Variants in GLIS3 observed in about 807,000 individuals in gnomAD.
GLIS3 encodes the protein GLIS family zinc finger 3.
In GLIS3, 53 loss-of-function variants were observed where a neutral mutation model predicts 78.6. The observed-to-expected ratio is 0.67, with a 90% CI of 0.54 to 0.85. The LOEUF (loss-of-function observed/expected upper bound fraction) is 0.85. Ranked by LOEUF, GLIS3 falls within the 40% of genes least tolerant of loss-of-function variation. The pLI is 0.00. For missense variants in GLIS3, 1,703 were observed against 1,231.1 expected (o/e 1.38, Z -5.74); for synonymous variants, 684 against 509.9 (o/e 1.34, Z -4.60).
intron 4 of GLIS3, among the ~76,000 whole-genome samples, chr9:3,981,106 G>A (rs187171329): frequency 2.6e-5 from 4 of 152,222 alleles, no homozygotes; most frequent in African/African-American, 4.8e-5. Flanking sequence ...TCTCTCCTCC[G>A]CTACCTCTTG....
chr9:4,334,721 T>C (rs1213255904), intron 2 of GLIS3, among the ~76,000 whole-genome samples: 1 of 152,090 alleles, frequency 6.6e-6, no homozygotes, highest in Admixed American at 6.6e-5. Context: ...CCCTTATGAG[T>C]CACAGCATTC....
chr9:4,129,135 C>T (rs1039626729), intron 2 of GLIS3, among the ~76,000 whole-genome samples: 2 of 152,238 alleles, frequency 1.3e-5, no homozygotes, highest in African/African-American at 4.8e-5. Flanking sequence ...ATACAGCCAT[C>T]TAAGTGTTTT....
intron 8 of GLIS3, among the ~76,000 whole-genome samples, chr9:3,863,501 C>G (rs1820370334): frequency 1.3e-5 from 2 of 152,216 alleles, no homozygotes; most frequent in Non-Finnish European, 2.9e-5. Flanking sequence ...GTCCAAGAGC[C>G]TAATCTGTCC....
chr9:4,058,621 T>C (rs1248671874), intron 4 of GLIS3, among the ~76,000 whole-genome samples: 1 of 152,182 alleles, frequency 6.6e-6, no homozygotes, highest in East Asian at 1.9e-4. Flanking sequence ...ATTTCCTCTC[T>C]TGGCCAAGAG....
chr9:4,379,949 G>A, the GLIS3 span, among the ~76,000 whole-genome samples: 1 of 140,872 alleles, frequency 7.1e-6, no homozygotes, highest in African/African-American at 2.6e-5. Flanking sequence ...CTGTCTTAGA[G>A]GCAGACAGAG....
At chr9:4,203,643 A>G (rs1172145816) in intron 2 of GLIS3, among the ~76,000 whole-genome samples, 1 of 152,236 alleles carries the variant, frequency 6.6e-6, no homozygotes, top group East Asian at 1.9e-4. Context: ...AACCAAAAAG[A>G]TATATGCACT....
rs1045085761 is a variant in GLIS3 at position 4,299,687 on chromosome 9, G to C, written c.-365C>G. 1 of 152,566 alleles carries C rather than the reference G, an allele frequency of 6.6e-6. No homozygotes were observed. The highest frequency in any genetic ancestry group is 1.5e-5 in the Non-Finnish European group (1 of 68,160). The allele number at this position is 152,566 out of a possible 1,614,324, so 9.5% of individuals were successfully genotyped here. On this transcript the variant is annotated 5_prime_UTR_variant, in exon 1 of 11. Transcript: ENST00000381971. ...AGGGGGAGGAGGAGGCAGAGGCGGG[G>C]TGGCTGGACCCTCGGCATCAGCTCA...
chr9:4,419,729 G>A, the GLIS3 span, among the ~76,000 whole-genome samples: 423 of 152,160 alleles, frequency 2.8e-3, 1 homozygote, highest in African/African-American at 9.7e-3. Context: ...GCAGTGAGCC[G>A]AGATCACGCC....
At chr9:4,346,415 C>G (rs1043424308) in intron 2 of GLIS3, among the ~76,000 whole-genome samples, 1 of 152,096 alleles carries the variant, frequency 6.6e-6, no homozygotes, top group Non-Finnish European at 1.5e-5. Flanking sequence ...AGCATTAAAA[C>G]TCATTGATTA....
chr9:3,992,814 T>A (rs1820431145), intron 4 of GLIS3, among the ~76,000 whole-genome samples: 1 of 152,184 alleles, frequency 6.6e-6, no homozygotes, highest in African/African-American at 2.4e-5. Context: ...CATCTAATAA[T>A]CTCTACCATG....
intron 4 of GLIS3, among the ~76,000 whole-genome samples, chr9:3,940,690 G>A (rs1815821990): frequency 6.6e-6 from 1 of 152,154 alleles, no homozygotes; most frequent in Non-Finnish European, 1.5e-5. Context: ...ACAGAAGGTG[G>A]CTGAATAGAA....
chr9:4,158,376 T>G (rs1401047791), intron 2 of GLIS3, among the ~76,000 whole-genome samples: 1 of 152,180 alleles, frequency 6.6e-6, no homozygotes, highest in Non-Finnish European at 1.5e-5. Flanking sequence ...CTGTCCCCTC[T>G]GTCACGGAAT....
chr9:4,014,451 T>C (rs1822279539), intron 4 of GLIS3, among the ~76,000 whole-genome samples: 1 of 151,916 alleles, frequency 6.6e-6, no homozygotes, highest in South Asian at 2.1e-4. Flanking sequence ...TAATGCAAAA[T>C]GAATGGTGTT....
chr9:4,465,751 A>G, the GLIS3 span, among the ~76,000 whole-genome samples: 1 of 152,126 alleles, frequency 6.6e-6, no homozygotes, highest in Non-Finnish European at 1.5e-5. Context: ...TTTTAAATTC[A>G]AAAAAATTTT....
chr9:4,179,120 T>A (rs1225102436), intron 2 of GLIS3, among the ~76,000 whole-genome samples: 2 of 152,230 alleles, frequency 1.3e-5, no homozygotes, highest in East Asian at 3.8e-4. Flanking sequence ...CGCCTCGGTA[T>A]CTTCCTGCTT....
chr9:3,896,751 G>A (rs867961912), intron 7 of GLIS3, among the ~76,000 whole-genome samples: 2 of 150,032 alleles, frequency 1.3e-5, no homozygotes, highest in Non-Finnish European at 3.0e-5. Context: ...ACAAAGTTGA[G>A]CAACATGATC....
rs921492144 is a variant in GLIS3, at chr9:4,286,375, T to A, written c.51A>T (p.Pro17=). The change falls in exon 2 of 11, where the codon CCA becomes CCT. Residue 17 remains proline, a synonymous_variant. Transcript: ENST00000381971. ...SMSLHRTSGT[P]QGPRMVSGHH... is the part of the protein sequence containing the mutation. ...GACCACTGACCATCCTAGGCCCCTG[T>A]GGGGTTCCCGATGTCCGGTGGAGAC... 2 of 1,614,086 alleles carry A rather than the reference T, an allele frequency of 1.2e-6. No individual in the cohort carries two copies. The highest frequency in any genetic ancestry group is 1.7e-6 in the Non-Finnish European group (2 of 1,180,050).
the GLIS3 span, among the ~76,000 whole-genome samples, chr9:4,385,702 C>G: frequency 0.85 from 67,055 of 79,298 alleles, 28,568 homozygotes; most frequent in Middle Eastern, 0.9. Context: ...AAGAAAGAAA[C>G]AAAGAAAGGA....
At chr9:4,086,012 G>A (rs1411253955) in intron 4 of GLIS3, among the ~76,000 whole-genome samples, 1 of 152,178 alleles carries the variant, frequency 6.6e-6, no homozygotes, top group East Asian at 1.9e-4. Context: ...AGACAGCTAT[G>A]TTAAAGTGCC....
Sources: gnomAD v4.1 joint callset for allele counts (sites outside exome capture counted in the v4.1 genomes callset) on GRCh38, gnomAD v4.1.1 for gene constraint, MANE v1.5 for transcripts, NCBI Gene and HGNC (gene_info 2026-07-23, HGNC 2026-07-21) for gene names.